The following TAF4B variants were observed in gnomAD, a reference collection of about 807,000 sequenced individuals.
TAF4B encodes TATA-box binding protein associated factor 4b.
TAF4B carries 38 observed loss-of-function variants against 86.4 expected under a neutral mutation model. The ratio of observed to expected loss-of-function variants is 0.44; its 90% confidence interval spans 0.34 to 0.58. TAF4B has a LOEUF of 0.58. TAF4B is among the 20% of genes least tolerant of loss of function. The pLI, the probability that TAF4B is intolerant of heterozygous loss-of-function variation, is 0.02. For missense variants in TAF4B, 988 were observed against 1,027.6 expected (o/e 0.96, Z 0.53); for synonymous variants, 388 against 391.2 (o/e 0.99, Z 0.10).
intron 12 of TAF4B, among the ~76,000 whole-genome samples, chr18:26,333,020 T>G (rs991781014): frequency 6.6e-6 from 1 of 151,832 alleles, no homozygotes; most frequent in African/African-American, 2.4e-5. Context: ...CTTGGAATGT[T>G]TTCCTCCAGA....
At chr18:26,336,067 G>T (rs1276769711) in intron 13 of TAF4B, among the ~76,000 whole-genome samples, 2 of 152,070 alleles carry the variant, frequency 1.3e-5, no homozygotes, top group Non-Finnish European at 2.9e-5. Flanking sequence ...TTGACCTACA[G>T]ATTCTTTTCC....
chr18:26,275,609 C>T (rs1288585400), intron 5 of TAF4B, among the ~76,000 whole-genome samples: 1 of 152,134 alleles, frequency 6.6e-6, no homozygotes, highest in African/African-American at 2.4e-5. Flanking sequence ...AGGTATACAA[C>T]ATGATGTTTT....
intron 13 of TAF4B, among the ~76,000 whole-genome samples, chr18:26,343,335 A>T (rs754178154): frequency 1.3e-5 from 2 of 152,236 alleles, no homozygotes; most frequent in Non-Finnish European, 2.9e-5. Flanking sequence ...TTAAACTCCT[A>T]GACCTACTCC....
At chr18:26,369,985 G>T (rs946634219) in intron 14 of TAF4B, among the ~76,000 whole-genome samples, 3 of 152,180 alleles carry the variant, frequency 2.0e-5, no homozygotes, top group African/African-American at 7.2e-5. Context: ...AGGGACACTG[G>T]TGGTCCGTGG....
At chr18:26,344,956 C>T (rs895633909) in intron 13 of TAF4B, among the ~76,000 whole-genome samples, 3 of 152,178 alleles carry the variant, frequency 2.0e-5, no homozygotes, top group Admixed American at 2.0e-4. Flanking sequence ...AGGGAAAAGG[C>T]AATCAGAATA....
chr18:26,339,421 G>A (rs180945548), intron 13 of TAF4B, among the ~76,000 whole-genome samples: 1 of 152,252 alleles, frequency 6.6e-6, no homozygotes, highest in African/African-American at 2.4e-5. Context: ...GACCTCCTGG[G>A]CTCAAGCGCT....
chr18:26,337,727 A>G (rs756139213), intron 13 of TAF4B, among the ~76,000 whole-genome samples: 1 of 152,068 alleles, frequency 6.6e-6, no homozygotes, highest in Non-Finnish European at 1.5e-5. Flanking sequence ...CTGGCTAACC[A>G]TATCTTAATA....
intron 1 of TAF4B, chr18:26,256,045 G>T (rs2056079290): frequency 7.8e-7 from 1 of 1,280,600 alleles, no homozygotes; most frequent in Admixed American, 1.7e-5. Context: ...TGATATGGTT[G>T]CTCTTTATCT....
At chr18:26,361,775 A>G in intron 14 of TAF4B, among the ~76,000 whole-genome samples, 1 of 151,504 alleles carries the variant, frequency 6.6e-6, no homozygotes, top group Non-Finnish European at 1.5e-5. Flanking sequence ...AGTATGGAAA[A>G]ATTAGTTCAG....
At chr18:26,338,213 T>A (rs2057107801) in intron 13 of TAF4B, among the ~76,000 whole-genome samples, 1 of 152,108 alleles carries the variant, frequency 6.6e-6, no homozygotes, top group African/African-American at 2.4e-5. Context: ...TTTGGGAGGC[T>A]GAGATGGGTG....
intron 1 of TAF4B, among the ~76,000 whole-genome samples, chr18:26,250,027 T>TTTG (rs1443823148): frequency 1.3e-5 from 2 of 151,946 alleles, no homozygotes; most frequent in Admixed American, 6.6e-5. Context: ...CCGTCCAGTT[T>TTTG]TTGTTGTTGT....
chr18:26,267,413 A>G (rs2056254458), intron 2 of TAF4B, 103 bp from the exon 3 acceptor site: 1 of 764,702 alleles, frequency 1.3e-6, no homozygotes. Flanking sequence ...AGTCATAACA[A>G]ATACATTTGC....
chr18:26,361,340 G>T (rs1376675693), intron 14 of TAF4B, among the ~76,000 whole-genome samples: 1 of 149,258 alleles, frequency 6.7e-6, no homozygotes, highest in Non-Finnish European at 1.5e-5. Context: ...GCCCAGGCTG[G>T]CCTTGAACTC....
At position 26,287,395 on chromosome 18, in the gene TAF4B, TG is replaced by T. The variant is rs796222811; in HGVS notation, c.1590+897del. On this transcript the variant is annotated intron_variant, in intron 7 of 14. Coordinates refer to ENST00000269142, the MANE Select transcript of TAF4B (RefSeq NM_005640.3). Reference sequence around the variant, plus strand: ...CCAGAATATTTGCAGAATAGTCCTTTGTTTTGTCTGATTGTTGTGTTTTTTT... The same window carrying T: ...CCAGAATATTTGCAGAATAGTCCTTTTTTTGTCTGATTGTTGTGTTTTTTT... Among the ~76,000 whole-genome samples, 48 of 152,328 alleles carry T rather than the reference TG, an allele frequency of 3.2e-4. 2 individuals carry two copies. The highest frequency in any genetic ancestry group is 1.2e-3 in the African/African-American group (48 of 41,570).
intron 3 of TAF4B, among the ~76,000 whole-genome samples, chr18:26,270,291 G>C (rs532551773): frequency 8.9e-4 from 136 of 152,212 alleles, no homozygotes; most frequent in African/African-American, 3.2e-3. Context: ...TTACTTCTTA[G>C]AGTGTATTAG....
At chr18:26,278,006 C>T (rs1363289807) in intron 5 of TAF4B, among the ~76,000 whole-genome samples, 1 of 152,156 alleles carries the variant, frequency 6.6e-6, no homozygotes, top group East Asian at 1.9e-4. Flanking sequence ...GTTTTCTTTA[C>T]TGTTAGTGGT....
At chr18:26,332,900 A>T (rs2057062447) in intron 12 of TAF4B, among the ~76,000 whole-genome samples, 1 of 151,694 alleles carries the variant, frequency 6.6e-6, no homozygotes, top group African/African-American at 2.4e-5. Flanking sequence ...GCAACACATG[A>T]TCTCCAGCCT....
chr18:26,231,060 G>A (rs867871216), intron 1 of TAF4B, among the ~76,000 whole-genome samples: 2 of 39,650 alleles, frequency 5.0e-5, no homozygotes, highest in Admixed American at 5.2e-4. Context: ...TTTTTTTTTT[G>A]ATGGATTTTG....
intron 10 of TAF4B, among the ~76,000 whole-genome samples, chr18:26,319,525 A>G (rs1210339992): frequency 1.3e-5 from 2 of 152,082 alleles, no homozygotes; most frequent in Admixed American, 1.3e-4. Flanking sequence ...AAAATAAGAA[A>G]TAAAATTGTA....
Sources: allele counts gnomAD v4.1 joint callset (sites outside exome capture counted in the v4.1 genomes callset), GRCh38; gene constraint gnomAD v4.1.1; transcripts MANE v1.5; gene names NCBI Gene and HGNC (gene_info 2026-07-23, HGNC 2026-07-21).